The following CAPN8 variants were observed in gnomAD, a reference collection of about 807,000 sequenced individuals.
CAPN8 encodes calpain-8.
A neutral mutation model predicts 80.9 loss-of-function variants in CAPN8; 87 were observed. That is an observed-to-expected ratio of 1.07 (90% confidence interval 0.90 to 1.28). The LOEUF is 1.28. CAPN8 is among the 50% of genes most tolerant of loss of function. The probability of loss-of-function intolerance (pLI) is 0.00; values close to 1 mark genes in which losing one functional copy is unlikely to be tolerated. For missense variants in CAPN8, 757 were observed against 702.0 expected, an observed-to-expected ratio of 1.08 and a Z score of -0.89; for synonymous variants, 299 against 273.8, an observed-to-expected ratio of 1.09 and a Z score of -0.91.
chr1:223,611,344 C>A (rs1388162311), intron 11 of CAPN8, among the ~76,000 whole-genome samples: 5 of 152,234 alleles, frequency 3.3e-5, no homozygotes, highest in African/African-American at 1.2e-4. Context: ...GTTGCCTTGG[C>A]AACATCCAGA....
chr1:223,554,786 C>T (rs887739012), intron 13 of CAPN8, among the ~76,000 whole-genome samples: 95 of 152,272 alleles, frequency 6.2e-4, no homozygotes, highest in African/African-American at 2.2e-3. Flanking sequence ...TTGATTTAAC[C>T]AGACCATTTT....
At chr1:223,621,232 T>TC (rs1657380505) in intron 7 of CAPN8, among the ~76,000 whole-genome samples, 1 of 117,018 alleles carries the variant, frequency 8.5e-6, no homozygotes, top group South Asian at 3.4e-4. Context: ...TGCTCCAATT[T>TC]CTTTTTTTTA....
At chr1:223,648,101 G>T (rs930118190) in intron 2 of CAPN8, among the ~76,000 whole-genome samples, 1 of 152,246 alleles carries the variant, frequency 6.6e-6, no homozygotes, top group African/African-American at 2.4e-5. Context: ...TCTCATTAAA[G>T]TGGAAGGGGT....
chr1:223,543,048 A>C, intron 20 of CAPN8, 60 bp downstream of exon 20: 1 of 1,542,194 alleles, frequency 6.5e-7, no homozygotes, highest in Non-Finnish European at 8.8e-7. Context: ...TGGCAGCTAC[A>C]TGGTCCAAGA....
chr1:223,553,318 A>G (rs1284003796), intron 14 of CAPN8, among the ~76,000 whole-genome samples: 1 of 152,162 alleles, frequency 6.6e-6, no homozygotes, highest in East Asian at 1.9e-4. Flanking sequence ...AGTTGCATTC[A>G]TGTCGGGCAA....
In CAPN8 at chr1:223,654,842, ATTTTTTTTTT is replaced by A. The variant is rs35365292; in HGVS notation, c.238-453_238-444del. On this transcript the variant is annotated intron_variant, in intron 1 of 20. Transcript: ENST00000366872. ...AGGCACGTGCCACCACACCCGGCTA[ATTTTTTTTTT>A]TTTTTTTTTTTGTATTTTTAGTAGG... Among the ~76,000 whole-genome samples the A allele has an allele frequency of 4.5e-5, 5 of 111,736 alleles. No individual in the cohort carries two copies. The Admixed American group carries it at 5.0e-4, about 11-fold the overall frequency. 73.3% of individuals were successfully genotyped at this position (111,736 alleles called of 152,430 possible).
chr1:223,550,705 T>C (rs1656760433), intron 15 of CAPN8, among the ~76,000 whole-genome samples: 1 of 152,170 alleles, frequency 6.6e-6, no homozygotes, highest in South Asian at 2.1e-4. Context: ...CACTTGACAC[T>C]ATGGAGCTTT....
chr1:223,609,203 T>G lies in CAPN8; in HGVS notation c.1485A>C (p.Lys495Asn). ...ACACTCTCAAGCAGAACTCGCCGTC[T>G]TTGAAGGGTTCAAATGTGGATGGCA... ...LVVPSTFEPF[K>N]DGEFCLRVFS... The change falls in exon 12 of 21, where the codon AAA becomes AAC. Residue 495 changes from lysine (K) to asparagine (N), a missense_variant. Lys to Asn is a moderately conservative substitution (Grantham distance 94). Transcript: ENST00000366872. The G allele has an allele frequency of 5.0e-6, 2 of 398,420 alleles. No homozygotes were observed. The highest frequency in any genetic ancestry group is 8.8e-6 in the Non-Finnish European group (2 of 226,060). The allele number at this position is 398,420 out of a possible 1,614,324, so 24.7% of individuals were successfully genotyped here.
At chr1:223,624,658 G>A (rs1331046310) in intron 6 of CAPN8, among the ~76,000 whole-genome samples, 3 of 152,006 alleles carry the variant, frequency 2.0e-5, no homozygotes, top group Admixed American at 6.6e-5. Context: ...AGGCTGCAGT[G>A]AGCCAAGATC....
At chr1:223,621,383 T>C (rs552844749) in intron 7 of CAPN8, among the ~76,000 whole-genome samples, 2 of 152,122 alleles carry the variant, frequency 1.3e-5, no homozygotes, top group African/African-American at 4.8e-5. Context: ...TGGTAGGGCC[T>C]CCAGGACTTG....
chr1:223,635,522 G>A (rs1159071967), intron 2 of CAPN8, among the ~76,000 whole-genome samples: 2 of 152,236 alleles, frequency 1.3e-5, no homozygotes, highest in Middle Eastern at 3.2e-3. Context: ...TGGGCCTGGT[G>A]GTTCTCACAG....
intron 2 of CAPN8, among the ~76,000 whole-genome samples, chr1:223,638,109 C>T (rs111900348): frequency 0.09 from 13,719 of 152,144 alleles, 1,418 homozygotes; most frequent in African/African-American, 0.24. Flanking sequence ...TTTGTCTGTA[C>T]TGAACATGTA....
At chr1:223,637,078 C>T (rs1032682373) in intron 2 of CAPN8, among the ~76,000 whole-genome samples, 4 of 152,206 alleles carry the variant, frequency 2.6e-5, no homozygotes, top group Non-Finnish European at 5.9e-5. Context: ...TCTCTGAAGA[C>T]TTCGCGTATA....
chr1:223,628,915 G>A lies in CAPN8; in HGVS notation c.308-135C>T, dbSNP rs73123894. ...TGAGTCAGGTAGAGTTTCCTCCTCC[G>A]GTGCTGGAAATGCACCCGCAGCCAT... On this transcript the variant is annotated intron_variant, in intron 2 of 20. Transcript: ENST00000366872. 1,793 of 666,402 alleles carry A rather than the reference G, an allele frequency of 2.7e-3. 24 individuals carry two copies. The African/African-American group carries it at 0.028, about 10-fold the overall frequency. The allele number at this position is 666,402 out of a possible 1,614,324, so 41.3% of individuals were successfully genotyped here.
intron 2 of CAPN8, among the ~76,000 whole-genome samples, chr1:223,653,168 C>G (rs1658385977): frequency 6.6e-6 from 1 of 150,916 alleles, no homozygotes; most frequent in East Asian, 2.0e-4. Context: ...AACGCTACCC[C>G]TCTGTGAGCC....
In CAPN8 at chr1:223,558,113, T is replaced by A; in HGVS notation, c.1572+18A>T. 2.5e-6 allele frequency: 1 copy of A among 398,634 alleles called. No individual in the cohort carries two copies. The highest frequency in any genetic ancestry group is 4.4e-6 in the Non-Finnish European group (1 of 226,054). The allele number at this position is 398,634 out of a possible 1,614,324, so 24.7% of individuals were successfully genotyped here. A position where few individuals can be genotyped will look rare whatever the true frequency, so the allele number is the denominator to read the frequency against. ...TATGCAACAGTGTCAGAGTTTGGCA[T>A]ACAAAAAGATTGCATACCTCATATG... On this transcript the variant is annotated intron_variant, in intron 13 of 20. Transcript: ENST00000366872.
At position 223,613,667 on chromosome 1, in the gene CAPN8, G is replaced by A. The variant is rs1312980865; in HGVS notation, c.1312-1410C>T. 5.9e-5 allele frequency among the ~76,000 whole-genome samples: 9 copies of A among 152,248 alleles called. No homozygotes were observed. The East Asian group carries it at 9.6e-4, about 16-fold the overall frequency. ...ACAGGCTGGCCTGGCATCACTGCAGGAAGATAGAGGGGAGAGAGAGGAGGC... is the reference window on the plus strand; with the variant it reads ...ACAGGCTGGCCTGGCATCACTGCAGAAAGATAGAGGGGAGAGAGAGGAGGC... On this transcript the variant is annotated intron_variant, in intron 10 of 20. Transcript: ENST00000366872.
chr1:223,635,264 C>A (rs944311131), intron 2 of CAPN8, among the ~76,000 whole-genome samples: 1 of 152,330 alleles, frequency 6.6e-6, no homozygotes, highest in Middle Eastern at 3.4e-3. Context: ...CTCCCTTCCC[C>A]CACTTGGTGA....
At chr1:223,621,053 C>T (rs74145937) in intron 7 of CAPN8, among the ~76,000 whole-genome samples, 2,852 of 152,048 alleles carry the variant, frequency 0.019, 93 homozygotes, top group African/African-American at 0.066. Flanking sequence ...CACACTCCAG[C>T]GCAGCCTCTT....
Sources: allele counts gnomAD v4.1 joint callset (sites outside exome capture counted in the v4.1 genomes callset), GRCh38; gene constraint gnomAD v4.1.1; transcripts MANE v1.5; gene names NCBI Gene and HGNC (gene_info 2026-07-23, HGNC 2026-07-21).